Variants in IFIT3 observed in about 807,000 individuals in gnomAD.
IFIT3 encodes the protein interferon-induced protein with tetratricopeptide repeats 3.
In IFIT3, 2 loss-of-function variants were observed where a neutral mutation model predicts 2.4. That is an observed-to-expected ratio of 0.82 (90% confidence interval 0.34 to 2.60). The LOEUF is 2.60. Among genes scored for constraint, IFIT3 ranks in the 30% most tolerant of loss-of-function variants. The pLI is 0.11. For missense variants in IFIT3, 481 were observed against 562.4 expected, an observed-to-expected ratio of 0.86 and a Z score of 1.46; for synonymous variants, 203 against 212.1, an observed-to-expected ratio of 0.96 and a Z score of 0.37.
intron 1 of IFIT3, among the ~76,000 whole-genome samples, chr10:89,329,211 C>G (rs1843626609): frequency 1.3e-5 from 2 of 152,102 alleles, no homozygotes; most frequent in Admixed American, 1.3e-4. Context: ...CCTTACTCTG[C>G]CCCAAGGACT....
At chr10:89,328,636 A>G (rs1390016821) in intron 1 of IFIT3, among the ~76,000 whole-genome samples, 1 of 152,220 alleles carries the variant, frequency 6.6e-6, no homozygotes, top group Non-Finnish European at 1.5e-5. Context: ...TAAGGTGGGA[A>G]GTGGAAGAAA....
chr10:89,338,969 A>G lies in IFIT3; in HGVS notation c.314A>G (p.Tyr105Cys). The change falls in exon 2 of 2, where the codon TAT (tyrosine) becomes TGT (cysteine). Residue 105 changes from tyrosine (Y) to cysteine (C), a missense_variant. Physicochemically the swap from Tyr to Cys is radical, Grantham distance 194. Coordinates refer to ENST00000371818, the MANE Select transcript of IFIT3 (RefSeq NM_001549.6). ...VTWGNYAWVY[Y>C]HLGRLSDAQI... ...TGGGGAAACTACGCCTGGGTCTACT[A>G]TCACTTGGGCAGACTCTCAGATGCT... The G allele has an allele frequency of 6.2e-7, 1 of 1,614,164 alleles. No homozygotes were observed. Among genetic ancestry groups the G allele is most frequent in the Non-Finnish European group, 8.5e-7 (1 of 1,179,998 alleles).
Position 89,339,389 on chromosome 10 carries a change from G to T in IFIT3, c.734G>T (p.Arg245Leu), listed in dbSNP as rs374038623. The change falls in exon 2 of 2, where the codon CGC (arginine) becomes CTC (leucine). Residue 245 changes from arginine to leucine, a missense_variant. By Grantham distance (102) the Arg-to-Leu change is moderately radical. Coordinates refer to ENST00000371818, the MANE Select transcript of IFIT3 (RefSeq NM_001549.6). ...EKSPCQTDVLRSAAKFYRRKG... is the reference protein window; with the variant it reads ...EKSPCQTDVLLSAAKFYRRKG... ...TCTCCTTGCCAAACAGATGTCCTCC[G>T]CAGTGCAGCCAAATTTTACAGAAGA... The T allele has an allele frequency of 6.2e-6, 10 of 1,614,118 alleles. No individual in the cohort carries two copies. The highest frequency in any genetic ancestry group is 8.5e-6 in the Non-Finnish European group (10 of 1,180,006).
rs150163539 is a variant in IFIT3, at chr10:89,339,848, T to C, written c.1193T>C (p.Ile398Thr). Residue 398 changes from isoleucine to threonine, a missense_variant, in exon 2 of 2, where the codon ATC (isoleucine) becomes ACC (threonine). By Grantham distance (89) the Ile-to-Thr change is moderately conservative. Transcript: ENST00000371818. ...AAAAAATCAACTGACAAGGAAGAGA[T>C]CAAAGACCAACCACAGAATGTATCT... ...ISKKSTDKEE[I>T]KDQPQNVSEN... 7.2e-4 allele frequency: 1,166 copies of C among 1,614,150 alleles called. 1 individual carries two copies. The highest frequency in any genetic ancestry group is 9.3e-4 in the Non-Finnish European group (1,103 of 1,180,004).
chr10:89,338,995 C>G lies in IFIT3; in HGVS notation c.340C>G (p.Gln114Glu). 1 of 1,614,110 alleles carries G rather than the reference C, an allele frequency of 6.2e-7. No individual in the cohort carries two copies. The highest frequency in any genetic ancestry group is 8.5e-7 in the Non-Finnish European group (1 of 1,180,022). The change falls in exon 2 of 2, where the codon CAG becomes GAG. Residue 114 changes from glutamine (Q) to glutamate (E), a missense_variant. Coordinates refer to ENST00000371818, the MANE Select transcript of IFIT3 (RefSeq NM_001549.6). ...TCACTTGGGCAGACTCTCAGATGCT[C>G]AGATTTATGTAGATAAGGTGAAACA... ...YYHLGRLSDA[Q>E]IYVDKVKQTC...
intron 1 of IFIT3, among the ~76,000 whole-genome samples, chr10:89,329,364 T>A (rs368475036): frequency 6.6e-6 from 1 of 151,782 alleles, no homozygotes; most frequent in East Asian, 1.9e-4. Context: ...GTGAGTGGGA[T>A]TGACCAGAGA....
chr10:89,338,974 T>C lies in IFIT3; in HGVS notation c.319T>C (p.Leu107=). ...WGNYAWVYYH[L]GRLSDAQIYV... Reference sequence around the variant, plus strand: ...AAACTACGCCTGGGTCTACTATCACTTGGGCAGACTCTCAGATGCTCAGAT... The same window carrying C: ...AAACTACGCCTGGGTCTACTATCACCTGGGCAGACTCTCAGATGCTCAGAT... Residue 107 remains leucine (L), a synonymous_variant, in exon 2 of 2, where the codon TTG becomes CTG. Coordinates refer to ENST00000371818, the MANE Select transcript of IFIT3 (RefSeq NM_001549.6). 2 of 1,614,174 alleles carry C rather than the reference T, an allele frequency of 1.2e-6. No individual in the cohort carries two copies. Among genetic ancestry groups the C allele is most frequent in the Non-Finnish European group, 1.7e-6 (2 of 1,180,012 alleles).
intron 1 of IFIT3, among the ~76,000 whole-genome samples, chr10:89,336,350 C>T (rs961236423): frequency 1.3e-5 from 2 of 152,316 alleles, no homozygotes; most frequent in Admixed American, 6.5e-5. Context: ...AAAGCACACA[C>T]ATAAAGAGGC....
chr10:89,339,477 T>A lies in IFIT3; in HGVS notation c.822T>A (p.Asn274Lys), dbSNP rs746613430. Residue 274 changes from asparagine to lysine, a missense_variant, in exon 2 of 2, where the codon AAT (asparagine) becomes AAA (lysine). Asn to Lys is a moderately conservative substitution (Grantham distance 94). Transcript: ENST00000371818. ...GGGTGTTGGAATCCACACCAAACAATGGCTACCTCTATCACCAGATTGGGT... is the reference window on the plus strand; with the variant it reads ...GGGTGTTGGAATCCACACCAAACAAAGGCTACCTCTATCACCAGATTGGGT... ...FQRVLESTPN[N>K]GYLYHQIGCC... is the part of the protein sequence containing the mutation. 1.2e-6 allele frequency: 2 copies of A among 1,614,034 alleles called. No individual in the cohort carries two copies. Among genetic ancestry groups the A allele is most frequent in the African/African-American group, 1.3e-5 (1 of 75,036 alleles).
intron 1 of IFIT3, among the ~76,000 whole-genome samples, chr10:89,331,369 TG>T (rs1446649893): frequency 6.6e-6 from 1 of 152,130 alleles, no homozygotes; most frequent in Non-Finnish European, 1.5e-5. Context: ...AATGGGGTTT[TG>T]CCATGTTGGT....
intron 1 of IFIT3, among the ~76,000 whole-genome samples, chr10:89,330,315 CT>C (rs1198562908): frequency 1.3e-5 from 2 of 152,246 alleles, no homozygotes; most frequent in Non-Finnish European, 2.9e-5. Flanking sequence ...GGGCAAATTA[CT>C]TGCCCAAGAC....
Position 89,339,019 on chromosome 10 carries a change from C to A in IFIT3, c.364C>A (p.Gln122Lys). ...TCAGATTTATGTAGATAAGGTGAAACAAACCTGCAAGAAATTTTCAAATCC... is the reference window on the plus strand; with the variant it reads ...TCAGATTTATGTAGATAAGGTGAAAAAAACCTGCAAGAAATTTTCAAATCC... The part of the protein sequence containing the change: ...DAQIYVDKVK[Q>K]TCKKFSNPYS... The change falls in exon 2 of 2, where the codon CAA becomes AAA. Residue 122 changes from glutamine to lysine, a missense_variant. Coordinates refer to ENST00000371818, the MANE Select transcript of IFIT3 (RefSeq NM_001549.6). The A allele has an allele frequency of 4.3e-6, 7 of 1,614,114 alleles. No homozygotes were observed. The highest frequency in any genetic ancestry group is 5.9e-6 in the Non-Finnish European group (7 of 1,180,002).
chr10:89,339,459 G>A lies in IFIT3; in HGVS notation c.804G>A (p.Leu268=), dbSNP rs779661976. 1 of 1,614,122 alleles carries A rather than the reference G, an allele frequency of 6.2e-7. No individual in the cohort carries two copies. The highest frequency in any genetic ancestry group is 8.5e-7 in the Non-Finnish European group (1 of 1,180,016). ...DKAIELFQRV[L]ESTPNNGYLY... ...CTATTGAACTGTTTCAACGGGTGTT[G>A]GAATCCACACCAAACAATGGCTACC... The change falls in exon 2 of 2, where the codon TTG becomes TTA. Residue 268 remains leucine (L), a synonymous_variant. Coordinates refer to ENST00000371818, the MANE Select transcript of IFIT3 (RefSeq NM_001549.6).
chr10:89,329,547 G>C (rs1295268210), intron 1 of IFIT3, among the ~76,000 whole-genome samples: 4 of 152,042 alleles, frequency 2.6e-5, no homozygotes, highest in Admixed American at 2.0e-4. Context: ...GGAAGAGATT[G>C]GGCTGCTCCT....
chr10:89,329,709 A>C (rs1843631519), intron 1 of IFIT3, among the ~76,000 whole-genome samples: 1 of 152,056 alleles, frequency 6.6e-6, no homozygotes, highest in Non-Finnish European at 1.5e-5. Context: ...TTATAACACA[A>C]ATATATTAGT....
chr10:89,330,801 A>T (rs927262073), intron 1 of IFIT3, among the ~76,000 whole-genome samples: 2 of 152,198 alleles, frequency 1.3e-5, no homozygotes, highest in African/African-American at 4.8e-5. Flanking sequence ...CCATAAATAA[A>T]GGGGAAAACT....
Position 89,340,255 on chromosome 10 carries a change from C to T in IFIT3, c.*127C>T, listed in dbSNP as rs2133573900. 8 of 1,036,100 alleles carry T rather than the reference C, an allele frequency of 7.7e-6. No individual in the cohort carries two copies. The East Asian group carries it at 1.6e-4, about 20-fold the overall frequency. 64.2% of individuals were successfully genotyped at this position (1,036,100 alleles called of 1,614,324 possible). ...AAGCTTTGCATGTTGCTCTAAGGTA[C>T]ATTTTTAAAGAGTTGTTTTTTGGCC... is the stretch of plus-strand genomic sequence containing the variant. On this transcript the variant is annotated 3_prime_UTR_variant, in exon 2 of 2. Transcript: ENST00000371818.
At position 89,340,418 on chromosome 10, in the gene IFIT3, C is replaced by G; in HGVS notation, c.*290C>G. 2 of 200,090 alleles carry G rather than the reference C, an allele frequency of 1.0e-5. No homozygotes were observed. The highest frequency in any genetic ancestry group is 2.1e-5 in the Non-Finnish European group (2 of 96,912). 12.4% of individuals were successfully genotyped at this position (200,090 alleles called of 1,614,324 possible). A position where few individuals can be genotyped will look rare whatever the true frequency, so the allele number is the denominator to read the frequency against. On this transcript the variant is annotated 3_prime_UTR_variant, in exon 2 of 2. Coordinates refer to ENST00000371818, the MANE Select transcript of IFIT3 (RefSeq NM_001549.6). ...CTAAAAATACAAAAAATTAGCCAGGCGTGGTGGCTGGCACCTGTAGTCCCA... is the reference window on the plus strand; with the variant it reads ...CTAAAAATACAAAAAATTAGCCAGGGGTGGTGGCTGGCACCTGTAGTCCCA...
chr10:89,338,627 T>TC (rs1355803679), intron 1 of IFIT3, 34 bp from the exon 2 acceptor site: 1 of 1,584,680 alleles, frequency 6.3e-7, no homozygotes, highest in Non-Finnish European at 8.6e-7. Flanking sequence ...CTTGGCAGTG[T>TC]ACATCACAGT....
Sources: allele counts gnomAD v4.1 joint callset (sites outside exome capture counted in the v4.1 genomes callset), GRCh38; gene constraint gnomAD v4.1.1; transcripts MANE v1.5; gene names NCBI Gene and HGNC (gene_info 2026-07-23, HGNC 2026-07-21).